The following SNX29 variants were observed in gnomAD, a reference collection of about 807,000 sequenced individuals.
The protein encoded by SNX29 is sorting nexin-29.
In SNX29, 78 loss-of-function variants were observed where a neutral mutation model predicts 102.1. The observed-to-expected ratio is 0.76, with a 90% CI of 0.64 to 0.92. The LOEUF (loss-of-function observed/expected upper bound fraction) is 0.92, where lower values mean the gene tolerates loss of function less well. SNX29 is among the 40% of genes least tolerant of loss of function. SNX29 has a pLI of 0.00. For synonymous variants in SNX29, 580 were observed against 414.5 expected (o/e 1.40, Z -4.85); for missense variants, 1,280 against 1,061.7 (o/e 1.21, Z -2.86).
chr16:12,103,022 A>G (rs561272361), intron 11 of SNX29, among the ~76,000 whole-genome samples: 1 of 152,214 alleles, frequency 6.6e-6, no homozygotes, highest in Non-Finnish European at 1.5e-5. Flanking sequence ...CTTCAAGGAG[A>G]ACTACAAACC....
chr16:12,402,019 G>T (rs1381871105), intron 17 of SNX29, among the ~76,000 whole-genome samples: 5 of 152,208 alleles, frequency 3.3e-5, no homozygotes, highest in Admixed American at 6.5e-5. Flanking sequence ...TTATATTTCT[G>T]CCTTGTAGCC....
chr16:12,439,260 A>G (rs1174697980), intron 18 of SNX29, among the ~76,000 whole-genome samples: 1 of 93,134 alleles, frequency 1.1e-5, no homozygotes, highest in Non-Finnish European at 2.3e-5. Context: ...CATGTCTACC[A>G]TGACCTGGTG....
intron 17 of SNX29, among the ~76,000 whole-genome samples, chr16:12,400,605 T>C (rs12325459): frequency 0.036 from 5,481 of 152,332 alleles, 253 homozygotes; most frequent in African/African-American, 0.1. Context: ...CCTTCTCTGG[T>C]GTCCCAGACC....
chr16:12,284,784 G>A (rs906697675), intron 15 of SNX29, among the ~76,000 whole-genome samples: 16 of 151,642 alleles, frequency 1.1e-4, no homozygotes, highest in African/African-American at 3.9e-4. Context: ...GAGGGCAATG[G>A]CACAATCTCA....
chr16:12,564,183 T>C (rs764756724), intron 20 of SNX29, among the ~76,000 whole-genome samples: 34 of 151,574 alleles, frequency 2.2e-4, no homozygotes, highest in Non-Finnish European at 4.3e-4. Flanking sequence ...AGTTCAGGAG[T>C]TTGAGACCGT....
rs758644038 is a variant in SNX29 at position 12,519,192 on chromosome 16, C to G, written c.2179-5510C>G. Reference sequence around the variant, plus strand: ...GGTTTTAATGTTTCAGAACATTGCTCAGGCCATACAAAACATACCTGTGGG... The same window carrying G: ...GGTTTTAATGTTTCAGAACATTGCTGAGGCCATACAAAACATACCTGTGGG... On this transcript the variant is annotated intron_variant, in intron 19 of 20. Transcript: ENST00000566228. Among the ~76,000 whole-genome samples the G allele has an allele frequency of 1.1e-4, 17 of 152,214 alleles. 1 individual carries two copies. Among genetic ancestry groups the G allele is most frequent in the Admixed American group, 9.2e-4 (14 of 15,282 alleles).
intron 15 of SNX29, among the ~76,000 whole-genome samples, chr16:12,296,151 T>TTTTAAAGTTA (rs2079973315): frequency 6.6e-6 from 1 of 152,236 alleles, no homozygotes; most frequent in Non-Finnish European, 1.5e-5. Flanking sequence ...CTTCCTGTGC[T>TTTTAAAGTTA]CTGGCTCGGG....
chr16:12,112,137 C>G (rs1172510749), intron 11 of SNX29, among the ~76,000 whole-genome samples: 1 of 152,204 alleles, frequency 6.6e-6, no homozygotes, highest in Non-Finnish European at 1.5e-5. Context: ...GCTGGGTCAA[C>G]TGCCCAACTG....
intron 19 of SNX29, among the ~76,000 whole-genome samples, chr16:12,510,331 G>A (rs2089558213): frequency 6.6e-6 from 1 of 152,080 alleles, no homozygotes; most frequent in Admixed American, 6.6e-5. Flanking sequence ...GGAGGCCCTG[G>A]CAGCAGATGA....
At chr16:12,281,039 C>T (rs886303859) in intron 15 of SNX29, among the ~76,000 whole-genome samples, 1 of 152,196 alleles carries the variant, frequency 6.6e-6, no homozygotes, top group African/African-American at 2.4e-5. Flanking sequence ...TCCCAAGTAG[C>T]TGAGACTACA....
intron 20 of SNX29, among the ~76,000 whole-genome samples, chr16:12,555,825 A>G (rs139933164): frequency 2.2e-4 from 34 of 152,304 alleles, no homozygotes; most frequent in Admixed American, 3.9e-4. Flanking sequence ...AAGGTGCTCC[A>G]GCTGACTGAC....
At chr16:12,226,833 C>T (rs1418850095) in intron 14 of SNX29, among the ~76,000 whole-genome samples, 8 of 152,158 alleles carry the variant, frequency 5.3e-5, no homozygotes, top group African/African-American at 1.9e-4. Context: ...CCACCTTGGC[C>T]TCCCAAAGTG....
intron 14 of SNX29, among the ~76,000 whole-genome samples, chr16:12,210,018 C>T (rs1011311247): frequency 1.3e-5 from 2 of 152,158 alleles, no homozygotes; most frequent in African/African-American, 2.4e-5. Flanking sequence ...CCTTCAACAT[C>T]GGGTACCTAT....
At chr16:12,536,924 C>A (rs536209137) in intron 20 of SNX29, among the ~76,000 whole-genome samples, 1 of 151,944 alleles carries the variant, frequency 6.6e-6, no homozygotes, top group Admixed American at 6.6e-5. Context: ...TGCAGTGAGC[C>A]GAGATCACAG....
At chr16:12,034,872 A>T (rs1196719313) in intron 4 of SNX29, among the ~76,000 whole-genome samples, 1 of 152,160 alleles carries the variant, frequency 6.6e-6, no homozygotes, top group African/African-American at 2.4e-5. Flanking sequence ...TTAGCTGGGC[A>T]TGGTGGTAGG....
intron 13 of SNX29, among the ~76,000 whole-genome samples, chr16:12,196,622 C>CT (rs34779383): frequency 0.53 from 69,291 of 129,556 alleles, 21,895 homozygotes; most frequent in Non-Finnish European, 0.7. Context: ...TTTCTTTTTT[C>CT]TTTTTTTTTT....
At chr16:12,417,187 A>G (rs2084672119) in intron 18 of SNX29, among the ~76,000 whole-genome samples, 1 of 152,332 alleles carries the variant, frequency 6.6e-6, no homozygotes, top group Non-Finnish European at 1.5e-5. Context: ...ACTGTTTATG[A>G]AACTTGCATT....
rs545936424 is a variant in SNX29, at chr16:12,571,118, T to G, written c.*2489T>G. 4.3e-6 allele frequency: 1 copy of G among 232,606 alleles called. No individual in the cohort carries two copies. The highest frequency in any genetic ancestry group is 1.8e-4 in the South Asian group (1 of 5,526). The allele number at this position is 232,606 out of a possible 1,614,324, so 14.4% of individuals were successfully genotyped here. On this transcript the variant is annotated 3_prime_UTR_variant, in exon 21 of 21. Coordinates refer to ENST00000566228, the MANE Select transcript of SNX29 (RefSeq NM_032167.5). ...GCCTTCCCTTTGGAATCCCATAGAA[T>G]GTTCTGCAATGATTGGGTCCATCTT...
intron 11 of SNX29, among the ~76,000 whole-genome samples, chr16:12,091,871 A>G (rs912694772): frequency 2.0e-4 from 30 of 152,048 alleles, no homozygotes; most frequent in Non-Finnish European, 2.9e-5. Flanking sequence ...TGAACCAAGA[A>G]GAGGACCCTC....
Sources: gnomAD v4.1 joint callset for allele counts (sites outside exome capture counted in the v4.1 genomes callset) on GRCh38, gnomAD v4.1.1 for gene constraint, MANE v1.5 for transcripts, NCBI Gene and HGNC (gene_info 2026-07-23, HGNC 2026-07-21) for gene names.